The following UBE2E2 variants were observed in gnomAD, a reference collection of about 807,000 sequenced individuals.
UBE2E2 encodes the protein ubiquitin conjugating enzyme E2 E2, also known as ubiquitin-conjugating enzyme E2 E2.
Under a neutral mutation model 24.7 loss-of-function variants are expected in UBE2E2, and 6 were observed. That is an observed-to-expected ratio of 0.24 (90% CI 0.13 to 0.48). The LOEUF (loss-of-function observed/expected upper bound fraction) is 0.48, where lower values mean the gene tolerates loss of function less well. Among genes scored for constraint, UBE2E2 ranks in the 20% least tolerant of loss-of-function variants. The probability of loss-of-function intolerance (pLI) is 0.99; values close to 1 mark genes in which losing one functional copy is unlikely to be tolerated. For missense variants in UBE2E2, 169 were observed against 245.0 expected (o/e 0.69, Z 2.07); for synonymous variants, 104 against 83.6 (o/e 1.24, Z -1.33).
chr3:23,555,425 G>T (rs929020383), intron 5 of UBE2E2, among the ~76,000 whole-genome samples: 2 of 152,142 alleles, frequency 1.3e-5, no homozygotes, highest in Non-Finnish European at 2.9e-5. Context: ...ACTCTTAGTG[G>T]AAACATAGAT....
intron 5 of UBE2E2, among the ~76,000 whole-genome samples, chr3:23,544,680 C>G (rs375128992): frequency 3.2e-4 from 49 of 152,234 alleles, no homozygotes; most frequent in African/African-American, 1.1e-3. Context: ...GTGGGTTGCC[C>G]CTCCACACCT....
intron 3 of UBE2E2, among the ~76,000 whole-genome samples, chr3:23,350,294 A>T (rs1341035439): frequency 3.3e-5 from 5 of 152,202 alleles, no homozygotes; most frequent in Admixed American, 3.3e-4. Flanking sequence ...GAGAAAACAG[A>T]GCAGAAAAAC....
Position 23,209,644 on chromosome 3 carries a change from G to C in UBE2E2, c.176+769G>C, listed in dbSNP as rs550044713. On this transcript the variant is annotated intron_variant, in intron 2 of 5. Coordinates refer to ENST00000396703, the MANE Select transcript of UBE2E2 (RefSeq NM_152653.4). ...CATAAAAGCGATCTGTAACTTGTAGGCATAGTGGAATGCCTGAATGTTGTA... is the reference window on the plus strand; with the variant it reads ...CATAAAAGCGATCTGTAACTTGTAGCCATAGTGGAATGCCTGAATGTTGTA... Among the ~76,000 whole-genome samples, 4 of 152,270 alleles carry C rather than the reference G, an allele frequency of 2.6e-5. No homozygotes were observed. In the South Asian group the frequency reaches 8.3e-4, roughly 32 times the overall value.
rs1698569784 is a variant in UBE2E2, at chr3:23,284,663, CTCATT to C, written c.227+67357_227+67361del. 2.0e-5 allele frequency among the ~76,000 whole-genome samples: 3 copies of C among 151,744 alleles called. No homozygotes were observed. The East Asian group carries it at 5.8e-4, about 29-fold the overall frequency. On this transcript the variant is annotated intron_variant, in intron 3 of 5. Coordinates refer to ENST00000396703, the MANE Select transcript of UBE2E2 (RefSeq NM_152653.4). Reference sequence around the variant, plus strand: ...GAGTATTTGTCTTTTAAAGAAGATTCTCATTTCATTCATAAATTTTGTTTTGGTGG... The same window carrying C: ...GAGTATTTGTCTTTTAAAGAAGATTCTCATTCATAAATTTTGTTTTGGTGG...
At chr3:23,393,822 A>G (rs1387723890) in intron 3 of UBE2E2, among the ~76,000 whole-genome samples, 11 of 152,200 alleles carry the variant, frequency 7.2e-5, no homozygotes. Context: ...TGAAAATGAT[A>G]TGAAATTCAC....
intron 3 of UBE2E2, among the ~76,000 whole-genome samples, chr3:23,409,394 C>T (rs537388537): frequency 2.6e-5 from 4 of 152,112 alleles, no homozygotes; most frequent in Non-Finnish European, 5.9e-5. Context: ...GTACAAAGAA[C>T]ATAGGAACCC....
At chr3:23,455,255 C>CA (rs1427292706) in intron 3 of UBE2E2, among the ~76,000 whole-genome samples, 1 of 152,204 alleles carries the variant, frequency 6.6e-6, no homozygotes, top group Non-Finnish European at 1.5e-5. Flanking sequence ...AGAGATACTG[C>CA]AGGTTCGGCT....
At chr3:23,259,488 T>C (rs1697837144) in intron 3 of UBE2E2, among the ~76,000 whole-genome samples, 1 of 151,976 alleles carries the variant, frequency 6.6e-6, no homozygotes, top group Non-Finnish European at 1.5e-5. Context: ...TCCAGCTACT[T>C]AGGAGATTGA....
chr3:23,378,193 G>A (rs1696571019), intron 3 of UBE2E2, among the ~76,000 whole-genome samples: 1 of 132,224 alleles, frequency 7.6e-6, no homozygotes, highest in Non-Finnish European at 1.6e-5. Flanking sequence ...AAGAAATGTA[G>A]CCAGTGAGCA....
chr3:23,338,014 C>G (rs1206021405), intron 3 of UBE2E2, among the ~76,000 whole-genome samples: 2 of 152,144 alleles, frequency 1.3e-5, no homozygotes, highest in Non-Finnish European at 2.9e-5. Context: ...AGTGGGCAGT[C>G]TGAGAGCTAC....
chr3:23,470,941 A>G (rs1190483914), intron 3 of UBE2E2, among the ~76,000 whole-genome samples: 1 of 152,170 alleles, frequency 6.6e-6, no homozygotes, highest in South Asian at 2.1e-4. Context: ...ACCCCTGGAC[A>G]GTTATGTTCC....
intron 4 of UBE2E2, among the ~76,000 whole-genome samples, chr3:23,510,405 G>T (rs1694568608): frequency 6.6e-6 from 1 of 152,156 alleles, no homozygotes; most frequent in Non-Finnish European, 1.5e-5. Flanking sequence ...TTAGGAGTTT[G>T]AGCCCAGCTT....
intron 3 of UBE2E2, among the ~76,000 whole-genome samples, chr3:23,389,121 A>G (rs1431359735): frequency 6.6e-6 from 1 of 152,222 alleles, no homozygotes; most frequent in African/African-American, 2.4e-5. Flanking sequence ...GGCAGGACTG[A>G]TATGAAGACG....
At chr3:23,482,754 A>C (rs1450774816) in intron 3 of UBE2E2, among the ~76,000 whole-genome samples, 1 of 152,202 alleles carries the variant, frequency 6.6e-6, no homozygotes, top group African/African-American at 2.4e-5. Flanking sequence ...ATAGGGATTT[A>C]AGGAGGAAAA....
At chr3:23,217,366 A>T in intron 3 of UBE2E2, 54 bp downstream of exon 3, 8 of 1,531,094 alleles carry the variant, frequency 5.2e-6, no homozygotes, top group Non-Finnish European at 7.2e-6. Flanking sequence ...GGTGCATTTG[A>T]ACTGTTGGTT....
chr3:23,587,731 A>G (rs899296459), intron 5 of UBE2E2, among the ~76,000 whole-genome samples: 1 of 152,226 alleles, frequency 6.6e-6, no homozygotes, highest in Non-Finnish European at 1.5e-5. Flanking sequence ...GCCAATTGCC[A>G]GATATTTTGT....
At chr3:23,396,418 A>G (rs13059557) in intron 3 of UBE2E2, among the ~76,000 whole-genome samples, 15,170 of 150,570 alleles carry the variant, frequency 0.1, 902 homozygotes, top group East Asian at 0.13. Flanking sequence ...ATACGTGTAC[A>G]TACACTGTAT....
intron 3 of UBE2E2, among the ~76,000 whole-genome samples, chr3:23,408,280 C>T (rs967599180): frequency 2.6e-5 from 4 of 152,006 alleles, no homozygotes; most frequent in African/African-American, 9.7e-5. Flanking sequence ...AGACTTTTCT[C>T]CTTTTTTTTG....
At chr3:23,245,545 T>C (rs559255029) in intron 3 of UBE2E2, among the ~76,000 whole-genome samples, 1 of 152,302 alleles carries the variant, frequency 6.6e-6, no homozygotes, top group South Asian at 2.1e-4. Flanking sequence ...TGGATATCTT[T>C]ATTTAAATAC....
Sources: allele counts gnomAD v4.1 joint callset (sites outside exome capture counted in the v4.1 genomes callset), GRCh38; gene constraint gnomAD v4.1.1; transcripts MANE v1.5; gene names NCBI Gene and HGNC (gene_info 2026-07-23, HGNC 2026-07-21).